NCALD: variants seen among roughly 807,000 people sequenced by gnomAD.
NCALD encodes the protein neurocalcin-delta.
NCALD carries 10 observed loss-of-function variants against 18.6 expected under a neutral mutation model. The ratio of observed to expected loss-of-function variants is 0.54; its 90% confidence interval spans 0.33 to 0.91. The LOEUF (loss-of-function observed/expected upper bound fraction) is 0.91. NCALD is among the 40% of genes least tolerant of loss of function. The pLI is 0.03. For synonymous variants in NCALD, 88 were observed against 87.4 expected (o/e 1.01, Z -0.04); for missense variants, 184 against 247.6 (o/e 0.74, Z 1.72).
chr8:102,022,059 G>C (rs1057322641), intron 1 of NCALD, among the ~76,000 whole-genome samples: 3 of 152,296 alleles, frequency 2.0e-5, no homozygotes, highest in Non-Finnish European at 4.4e-5. Flanking sequence ...TTCAGTGCAG[G>C]GGACTATTTA....
At chr8:101,885,326 G>C (rs1816637411) in intron 4 of NCALD, among the ~76,000 whole-genome samples, 1 of 152,126 alleles carries the variant, frequency 6.6e-6, no homozygotes, top group Admixed American at 6.5e-5. Flanking sequence ...CTGCCACTAG[G>C]CAATTTTTAC....
intron 4 of NCALD, among the ~76,000 whole-genome samples, chr8:101,877,023 C>T (rs1301398964): frequency 6.6e-6 from 1 of 152,122 alleles, no homozygotes; most frequent in East Asian, 1.9e-4. Flanking sequence ...CTAACCCACT[C>T]CCCCACAAAG....
intron 4 of NCALD, among the ~76,000 whole-genome samples, chr8:101,838,799 T>G (rs1164826148): frequency 6.6e-6 from 1 of 152,232 alleles, no homozygotes; most frequent in African/African-American, 2.4e-5. Flanking sequence ...CAGGGCACTT[T>G]CATAGGACGT....
In NCALD at chr8:101,972,002, A is replaced by C. The variant is rs1173908179; in HGVS notation, c.-157+48235T>G. Among the ~76,000 whole-genome samples the C allele has an allele frequency of 3.3e-5, 5 of 152,298 alleles. No homozygotes were observed. In the East Asian group the frequency reaches 9.6e-4, roughly 29 times the overall value. ...GCTCTTAGATTCATCTTGGGTTGGA[A>C]GAGAATTGGACCTGAACAGCCTTTC... On this transcript the variant is annotated intron_variant, in intron 2 of 6. Transcript: ENST00000311028.
At chr8:101,791,920 T>C (rs1380128308), upstream of NCALD, among the ~76,000 whole-genome samples, 1 of 152,160 alleles carries the variant, frequency 6.6e-6, no homozygotes, top group Non-Finnish European at 1.5e-5. Flanking sequence ...TCAGCTTTAT[T>C]TCCTTTACGA....
chr8:101,851,504 A>G (rs1815089898), intron 4 of NCALD, among the ~76,000 whole-genome samples: 1 of 152,196 alleles, frequency 6.6e-6, no homozygotes, highest in Non-Finnish European at 1.5e-5. Flanking sequence ...TTTTGAAACT[A>G]AAAACTAAAT....
intron 3 of NCALD, among the ~76,000 whole-genome samples, chr8:101,901,551 C>T (rs1259975978): frequency 5.9e-5 from 9 of 151,854 alleles, no homozygotes; most frequent in Admixed American, 4.6e-4. Context: ...GGTTGCTCTC[C>T]TTATTATAAT....
At chr8:101,804,327 T>TAA (rs1267403959) in intron 4 of NCALD, among the ~76,000 whole-genome samples, 1 of 75,060 alleles carries the variant, frequency 1.3e-5, no homozygotes, top group Non-Finnish European at 3.8e-5. Context: ...ATATTATATA[T>TAA]AATTATATCA....
intron 1 of NCALD, among the ~76,000 whole-genome samples, chr8:101,734,600 T>G (rs1165021063): frequency 6.6e-6 from 1 of 152,210 alleles, no homozygotes; most frequent in Non-Finnish European, 1.5e-5. Context: ...CATCCCACCT[T>G]CAGGCTTTTT....
At position 101,863,312 on chromosome 8, in the gene NCALD, G is replaced by A. The variant is rs554503892; in HGVS notation, c.-20+23829C>T. On this transcript the variant is annotated intron_variant, in intron 4 of 6. Transcript: ENST00000311028. ...CCAACTAGATTTACCCACTCAATCC[G>A]GATCTTGGTTCTGTAATTGCAGGGA... Among the ~76,000 whole-genome samples the A allele has an allele frequency of 2.8e-4, 42 of 152,244 alleles. 1 individual carries two copies. Among genetic ancestry groups the A allele is most frequent in the Admixed American group, 2.5e-3 (38 of 15,290 alleles).
At chr8:101,699,769 G>A (rs1201656918) in intron 2 of NCALD, among the ~76,000 whole-genome samples, 1 of 152,126 alleles carries the variant, frequency 6.6e-6, no homozygotes, top group Non-Finnish European at 1.5e-5. Flanking sequence ...GTGGGGTGGG[G>A]GTCAAGGGGA....
At chr8:101,692,440 T>C (rs1002403632) in intron 3 of NCALD, 1 of 985,442 alleles carries the variant, frequency 1.0e-6, no homozygotes, top group East Asian at 1.1e-4. Flanking sequence ...TTTGATGAAC[T>C]GGACTGCAGG....
intron 1 of NCALD, among the ~76,000 whole-genome samples, chr8:102,094,396 A>G (rs1270991590): frequency 6.6e-6 from 1 of 152,232 alleles, no homozygotes; most frequent in African/African-American, 2.4e-5. Flanking sequence ...TCATTTTATA[A>G]ATAAGGAAAC....
intron 2 of NCALD, among the ~76,000 whole-genome samples, chr8:101,713,515 A>G (rs867360448): frequency 6.6e-6 from 1 of 152,138 alleles, no homozygotes; most frequent in South Asian, 2.1e-4. Flanking sequence ...AAAGATTAAC[A>G]AAATAGATAG....
chr8:102,051,569 G>A (rs1011444269), intron 1 of NCALD, among the ~76,000 whole-genome samples: 6 of 151,708 alleles, frequency 4.0e-5, no homozygotes, highest in Admixed American at 6.6e-5. Context: ...CTTTTCTTTC[G>A]TCAACTGGTT....
At chr8:101,701,372 G>T (rs1363217363) in intron 2 of NCALD, among the ~76,000 whole-genome samples, 1 of 152,144 alleles carries the variant, frequency 6.6e-6, no homozygotes, top group Non-Finnish European at 1.5e-5. Flanking sequence ...TCAATGAGAG[G>T]TCTAGCAGGG....
intron 2 of NCALD, among the ~76,000 whole-genome samples, chr8:101,931,012 T>C (rs2131704086): frequency 6.6e-6 from 1 of 152,306 alleles, no homozygotes; most frequent in South Asian, 2.1e-4. Context: ...AAGCTCCTTA[T>C]CAGTACCATA....
chr8:101,929,210 C>T (rs896478837), intron 2 of NCALD, among the ~76,000 whole-genome samples: 1 of 132,750 alleles, frequency 7.5e-6, no homozygotes, highest in African/African-American at 3.0e-5. Flanking sequence ...AAAGTTCTAG[C>T]CCCTAAAGAA....
chr8:101,715,139 C>A (rs924148920), intron 2 of NCALD, among the ~76,000 whole-genome samples: 2 of 152,034 alleles, frequency 1.3e-5, no homozygotes, highest in African/African-American at 4.8e-5. Context: ...ATATATAGAC[C>A]AATGGAACAG....
Sources: gnomAD v4.1 joint callset for allele counts (sites outside exome capture counted in the v4.1 genomes callset) on GRCh38, gnomAD v4.1.1 for gene constraint, MANE v1.5 for transcripts, NCBI Gene and HGNC (gene_info 2026-07-23, HGNC 2026-07-21) for gene names.